Variants in IMPDH2 observed in about 807,000 individuals in gnomAD.
IMPDH2 encodes the protein inosine monophosphate dehydrogenase 2.
Under a neutral mutation model 57.8 loss-of-function variants are expected in IMPDH2, and 33 were observed. The observed-to-expected ratio is 0.57, with a 90% CI of 0.43 to 0.76. The LOEUF (loss-of-function observed/expected upper bound fraction) is 0.76. Among genes scored for constraint, IMPDH2 ranks in the 30% least tolerant of loss-of-function variants. IMPDH2 has a pLI of 0.00. For missense variants in IMPDH2, 446 were observed against 659.1 expected (o/e 0.68, Z 3.54); for synonymous variants, 270 against 241.3 (o/e 1.12, Z -1.10).
intron 9 of IMPDH2, 49 bp downstream of exon 9, chr3:49,026,274 TG>T: frequency 7.5e-7 from 1 of 1,326,860 alleles, no homozygotes; most frequent in South Asian, 1.2e-5. Context: ...CCAAGGTATG[TG>T]GGGCCTGAAA....
chr3:49,026,107 A>G, intron 9 of IMPDH2: 2 of 669,466 alleles, frequency 3.0e-6, no homozygotes, highest in South Asian at 3.0e-5. Flanking sequence ...GAAGGTGCAG[A>G]GCAGGAGCAA....
chr3:49,027,938 G>A (rs2093206317), intron 4 of IMPDH2, 22 bp from the exon 5 acceptor site: 1 of 1,563,732 alleles, frequency 6.4e-7, no homozygotes, highest in African/African-American at 1.4e-5. Context: ...TGGTGAGAAA[G>A]GGCATCGCAT....
Position 49,028,441 on chromosome 3 carries a change from A to C in IMPDH2, c.239T>G (p.Ile80Arg). The C allele has an allele frequency of 1.2e-6, 2 of 1,613,828 alleles. No homozygotes were observed. Among genetic ancestry groups the C allele is most frequent in the Non-Finnish European group, 1.7e-6 (2 of 1,179,702 alleles). ...CCCCATGGGGCTCACCGCCATTGCT[A>C]TGGCCATCCCAGCCTCTGTGACTGT... ...MDTVTEAGMA[I>R]AMALTGGIGF... The change falls in exon 3 of 14, where the codon ATA becomes AGA. Residue 80 changes from isoleucine (I) to arginine (R), a missense_variant. Ile to Arg is a moderately conservative substitution (Grantham distance 97). Coordinates refer to ENST00000326739, the MANE Select transcript of IMPDH2 (RefSeq NM_000884.3).
chr3:49,027,828 C>G lies in IMPDH2; in HGVS notation c.413G>C (p.Gly138Ala). Residue 138 changes from glycine to alanine, a missense_variant, in exon 5 of 14, where the codon GGT (glycine) becomes GCT (alanine). Gly to Ala is a moderately conservative substitution (Grantham distance 60, BLOSUM62 0). Transcript: ENST00000326739. ...RDVFEAKARH[G>A]FCGIPITDTG... ...GTCTGTGATTGGGATACCGCAGAAA[C>G]CATGCCGGGCCTTGGCCTCAAAAAC... is the stretch of plus-strand genomic sequence containing the variant. 1 of 1,614,220 alleles carries G rather than the reference C, an allele frequency of 6.2e-7. No individual in the cohort carries two copies. Among genetic ancestry groups the G allele is most frequent in the Non-Finnish European group, 8.5e-7 (1 of 1,180,044 alleles).
At position 49,026,604 on chromosome 3, in the gene IMPDH2, A is replaced by G. The variant is rs778120410; in HGVS notation, c.825T>C (p.Ser275=). Residue 275 remains serine (S), a synonymous_variant, in exon 8 of 14, where the codon TCT becomes TCC. Transcript: ENST00000326739. The part of the protein sequence containing the change: ...QAGVDVVVLD[S]SQGNSIFQIN... ...TCTGGAAGATGGAATTTCCCTGGGAAGAGTCCTAGGACAAGAAGTAAGTCT... is the reference window on the plus strand; with the variant it reads ...TCTGGAAGATGGAATTTCCCTGGGAGGAGTCCTAGGACAAGAAGTAAGTCT... 1.9e-6 allele frequency: 3 copies of G among 1,613,092 alleles called. No homozygotes were observed. The African/African-American group carries it at 4.0e-5, about 22-fold the overall frequency.
intron 10 of IMPDH2, 23 bp from the exon 11 acceptor site, chr3:49,025,063 G>A: frequency 1.2e-6 from 2 of 1,614,230 alleles, no homozygotes; most frequent in Non-Finnish European, 1.7e-6. Flanking sequence ...GGAGTGCTTG[G>A]GTTAGAGCCT....
intron 9 of IMPDH2, 189 bp downstream of exon 9, chr3:49,026,135 A>T: frequency 1.5e-6 from 1 of 687,636 alleles, no homozygotes; most frequent in Non-Finnish European, 2.7e-6. Context: ...AGGCTAGGCA[A>T]GGGAGTGGCA....
Position 49,024,393 on chromosome 3 carries a change from C to T in IMPDH2, c.1535G>A (p.Arg512Gln), listed in dbSNP as rs1421831576. Residue 512 changes from arginine to glutamine, a missense_variant, in exon 14 of 14, where the codon CGG becomes CAG. Transcript: ENST00000326739. ...GTGCTGGATCCCTTTTCAGAAAAGC[C>T]GCTTCTCATACCTGCAGGCAGAAGG... ...GVHSLHSYEK[R>Q]LF is the part of the protein sequence containing the mutation. 9 of 1,614,008 alleles carry T rather than the reference C, an allele frequency of 5.6e-6. No individual in the cohort carries two copies. The highest frequency in any genetic ancestry group is 1.1e-5 in the South Asian group (1 of 91,076).
At chr3:49,029,157 C>A (rs1324094826) in intron 1 of IMPDH2, 96 bp downstream of exon 1, 1 of 1,008,022 alleles carries the variant, frequency 9.9e-7, no homozygotes, top group Non-Finnish European at 1.5e-6. Context: ...CTGTCCCCCA[C>A]GCCCACGCCC....
Position 49,028,262 on chromosome 3 carries a change from C to T in IMPDH2, c.310G>A (p.Val104Ile). ...GCCCTTCTGACCTTCACTTTCCGAA[C>T]TTCATTGGCCTGGAATTCAGGTGTA... Reference protein sequence around the residue: ...NCTPEFQANEVRKVKKYEQGF... With the variant: ...NCTPEFQANEIRKVKKYEQGF... The change falls in exon 4 of 14, where the codon GTT (valine) becomes ATT (isoleucine). Residue 104 changes from valine to isoleucine, a missense_variant. Physicochemically the swap from Val to Ile is conservative, Grantham distance 29 (BLOSUM62 3). Coordinates refer to ENST00000326739, the MANE Select transcript of IMPDH2 (RefSeq NM_000884.3). 1 of 1,614,164 alleles carries T rather than the reference C, an allele frequency of 6.2e-7. No homozygotes were observed. The highest frequency in any genetic ancestry group is 8.5e-7 in the Non-Finnish European group (1 of 1,179,998).
intron 9 of IMPDH2, 112 bp downstream of exon 9, chr3:49,026,212 C>A (rs1414228948): frequency 6.1e-6 from 5 of 824,476 alleles, no homozygotes; most frequent in Non-Finnish European, 1.0e-5. Context: ...CAATTTGGCC[C>A]CAGGGTTGCC....
In IMPDH2 at chr3:49,026,835, C is replaced by T. The variant is rs373752085; in HGVS notation, c.671G>A (p.Arg224Gln). ...GTCCCGATTCTTCTTCAGGTCTGTC[C>T]GGGCAATGATGGCCACAAGCTCATC... ...EDDELVAIIA[R>Q]TDLKKNRDYP... Residue 224 changes from arginine (R) to glutamine (Q), a missense_variant, in exon 7 of 14, where the codon CGG becomes CAG. Arg to Gln is a conservative substitution (Grantham distance 43). Transcript: ENST00000326739. The T allele has an allele frequency of 6.2e-6, 10 of 1,614,058 alleles. No individual in the cohort carries two copies. Among genetic ancestry groups the T allele is most frequent in the Admixed American group, 1.7e-5 (1 of 60,008 alleles).
intron 5 of IMPDH2, 125 bp downstream of exon 5, chr3:49,027,585 A>G: frequency 1.2e-6 from 1 of 801,930 alleles, no homozygotes; most frequent in Non-Finnish European, 2.1e-6. Context: ...TAAAGGAGTC[A>G]GAAACTTGGT....
intron 9 of IMPDH2, 115 bp downstream of exon 9, chr3:49,026,209 G>A (rs757766744): frequency 2.6e-6 from 2 of 782,098 alleles, no homozygotes; most frequent in Non-Finnish European, 4.4e-6. Flanking sequence ...GGCCAATTTG[G>A]CCCCAGGGTT....
At chr3:49,029,226 G>A (rs758192391) in intron 1 of IMPDH2, 27 bp downstream of exon 1, 2 of 1,545,956 alleles carry the variant, frequency 1.3e-6, no homozygotes, top group Non-Finnish European at 1.8e-6. Context: ...CCCTCTCTTC[G>A]CCCAGGTGAG....
In IMPDH2 at chr3:49,029,393, G is replaced by C. The variant is rs539916234; in HGVS notation, c.-43C>G. On this transcript the variant is annotated 5_prime_UTR_variant, in exon 1 of 14. Coordinates refer to ENST00000326739, the MANE Select transcript of IMPDH2 (RefSeq NM_000884.3). ...GCCGCGTGTCTCCGAGGACCGCGCC[G>C]CAGAGACCTCTGCCGTCTGGGCCGC... is the stretch of plus-strand genomic sequence containing the variant. 77 of 1,347,562 alleles carry C rather than the reference G, an allele frequency of 5.7e-5. No individual in the cohort carries two copies. In the South Asian group the frequency reaches 8.4e-4, roughly 15 times the overall value. The allele number at this position is 1,347,562 out of a possible 1,614,324, so 83.5% of individuals were successfully genotyped here.
intron 5 of IMPDH2, among the ~76,000 whole-genome samples, chr3:49,027,479 C>T (rs2093204436): frequency 6.6e-6 from 1 of 152,182 alleles, no homozygotes; most frequent in African/African-American, 2.4e-5. Flanking sequence ...TCAAGCACTG[C>T]CCCTACCTTA....
intron 2 of IMPDH2, 93 bp downstream of exon 2, chr3:49,028,665 C>A: frequency 7.2e-7 from 1 of 1,380,020 alleles, no homozygotes; most frequent in Non-Finnish European, 1.0e-6. Context: ...AATCCACCCC[C>A]AAGCCCAATC....
In IMPDH2 at chr3:49,024,762, C is replaced by T. The variant is rs2106781651; in HGVS notation, c.1336G>A (p.Ala446Thr). ...TGGATTGACCCTTTGTCCTGCACAG[C>T]ACCAGACACTCCCTGGGCCACTTTG... ...KIKVAQGVSG[A>T]VQDKGSIHKF... Residue 446 changes from alanine to threonine, a missense_variant, in exon 12 of 14, where the codon GCT becomes ACT. Physicochemically the swap from Ala to Thr is moderately conservative, Grantham distance 58 (BLOSUM62 0). Transcript: ENST00000326739. The T allele has an allele frequency of 6.2e-7, 1 of 1,614,220 alleles. No individual in the cohort carries two copies. Among genetic ancestry groups the T allele is most frequent in the Non-Finnish European group, 8.5e-7 (1 of 1,180,050 alleles).
Sources: allele counts gnomAD v4.1 joint callset (sites outside exome capture counted in the v4.1 genomes callset), GRCh38; gene constraint gnomAD v4.1.1; transcripts MANE v1.5; gene names NCBI Gene and HGNC (gene_info 2026-07-23, HGNC 2026-07-21).